ENTREP2: variants seen among roughly 807,000 people sequenced by gnomAD.
ENTREP2 encodes the protein endosomal transmembrane epsin interactor 2.
the ENTREP2 span, among the ~76,000 whole-genome samples, chr15:29,514,249 C>T: frequency 6.6e-6 from 1 of 152,180 alleles, no homozygotes; most frequent in Non-Finnish European, 1.5e-5. Context: ...CTCCAGCCCC[C>T]GGCAACCACC....
the ENTREP2 span, among the ~76,000 whole-genome samples, chr15:29,388,150 A>G: frequency 3.3e-5 from 5 of 152,366 alleles, 1 homozygote; most frequent in Middle Eastern, 6.8e-3. Context: ...GCTTCTGCAC[A>G]GCAAAAGAAA....
the ENTREP2 span, among the ~76,000 whole-genome samples, chr15:29,243,836 C>T: frequency 1.3e-5 from 2 of 152,100 alleles, no homozygotes; most frequent in African/African-American, 4.8e-5. Flanking sequence ...TGGGAAAATA[C>T]GTTAAAAGTA....
the ENTREP2 span, among the ~76,000 whole-genome samples, chr15:29,361,991 C>T: frequency 6.6e-6 from 1 of 152,212 alleles, no homozygotes; most frequent in Non-Finnish European, 1.5e-5. Flanking sequence ...ATGCAACTCA[C>T]TTCACAGCAC....
chr15:29,384,353 T>C, the ENTREP2 span, among the ~76,000 whole-genome samples: 24 of 152,194 alleles, frequency 1.6e-4, no homozygotes, highest in Admixed American at 1.6e-3. Context: ...TCCATTCTTC[T>C]GCTCAGCACC....
chr15:29,414,727 A>T, the ENTREP2 span, among the ~76,000 whole-genome samples: 1 of 152,214 alleles, frequency 6.6e-6, no homozygotes, highest in East Asian at 1.9e-4. Context: ...TTCTGAAAAG[A>T]TCAACAAAAT....
chr15:29,410,794 GTT>G, the ENTREP2 span, among the ~76,000 whole-genome samples: 5 of 152,092 alleles, frequency 3.3e-5, no homozygotes, highest in Non-Finnish European at 7.4e-5. Flanking sequence ...AACTTATTTT[GTT>G]TGTTTTTGAG....
the ENTREP2 span, among the ~76,000 whole-genome samples, chr15:29,619,178 G>C: frequency 4.6e-5 from 7 of 152,194 alleles, no homozygotes; most frequent in African/African-American, 1.7e-4. Context: ...GGATCACAAG[G>C]TCAGGAGATC....
At chr15:29,306,367 C>CCTAA in the ENTREP2 span, among the ~76,000 whole-genome samples, 1 of 152,104 alleles carries the variant, frequency 6.6e-6, no homozygotes, top group African/African-American at 2.4e-5. Flanking sequence ...GGCGGTGCAC[C>CCTAA]TGAATATGAA....
chr15:29,639,791 G>A, the ENTREP2 span, among the ~76,000 whole-genome samples: 3 of 120,854 alleles, frequency 2.5e-5, no homozygotes, highest in African/African-American at 1.4e-4. Context: ...TTTTTGAGAC[G>A]AAGTCTCACT....
chr15:29,645,136 G>A, the ENTREP2 span, among the ~76,000 whole-genome samples: 1 of 152,182 alleles, frequency 6.6e-6, no homozygotes, highest in Non-Finnish European at 1.5e-5. Context: ...GACATTATCA[G>A]AGAATTCTTA....
At chr15:29,131,286 G>C in the ENTREP2 span, among the ~76,000 whole-genome samples, 1 of 151,936 alleles carries the variant, frequency 6.6e-6, no homozygotes, top group Non-Finnish European at 1.5e-5. Context: ...TATGTGGATC[G>C]TAAGTGTCAG....
At chr15:29,182,665 AGAGAGAGAAGG>A in the ENTREP2 span, among the ~76,000 whole-genome samples, 1 of 152,040 alleles carries the variant, frequency 6.6e-6, no homozygotes, top group Non-Finnish European at 1.5e-5. Context: ...AAAGAGAGAG[AGAGAGAGAAGG>A]GAGAGAGAAG....
chr15:29,270,802 G>T, the ENTREP2 span, among the ~76,000 whole-genome samples: 2 of 152,268 alleles, frequency 1.3e-5, no homozygotes, highest in African/African-American at 4.8e-5. Flanking sequence ...GACTTCTACA[G>T]ATCTTAGCAA....
chr15:29,487,271 GCTCA>G, the ENTREP2 span, among the ~76,000 whole-genome samples: 21 of 152,106 alleles, frequency 1.4e-4, no homozygotes, highest in Non-Finnish European at 7.4e-5. Context: ...CAGAACGCAT[GCTCA>G]GAAGAAGCCT....
chr15:29,553,806 C>T, the ENTREP2 span, among the ~76,000 whole-genome samples: 37 of 152,296 alleles, frequency 2.4e-4, no homozygotes, highest in African/African-American at 7.7e-4. Flanking sequence ...GTGAGTGGGA[C>T]GTCTGGGATG....
the ENTREP2 span, among the ~76,000 whole-genome samples, chr15:29,357,672 C>G: frequency 2.0e-5 from 3 of 151,840 alleles, no homozygotes; most frequent in Non-Finnish European, 2.9e-5. Flanking sequence ...CTCGTCTCTA[C>G]TAAAAAATAC....
the ENTREP2 span, among the ~76,000 whole-genome samples, chr15:29,489,822 A>T: frequency 1.3e-5 from 2 of 152,280 alleles, no homozygotes; most frequent in South Asian, 4.1e-4. Flanking sequence ...ACACAACCAC[A>T]GGCCATGACG....
the ENTREP2 span, among the ~76,000 whole-genome samples, chr15:29,463,011 CAAG>C: frequency 1.3e-5 from 2 of 152,174 alleles, no homozygotes; most frequent in Non-Finnish European, 1.5e-5. Flanking sequence ...CACACTCGGA[CAAG>C]AAGATGAGGA....
chr15:29,382,831 T>G, the ENTREP2 span, among the ~76,000 whole-genome samples: 2 of 152,210 alleles, frequency 1.3e-5, no homozygotes, highest in Admixed American at 1.3e-4. Flanking sequence ...GAAGACACAG[T>G]CACTTCCCAC....
Sources: allele counts gnomAD v4.1 joint callset (sites outside exome capture counted in the v4.1 genomes callset), GRCh38; gene constraint gnomAD v4.1.1; transcripts MANE v1.5; gene names NCBI Gene and HGNC (gene_info 2026-07-23, HGNC 2026-07-21).